MATN2: variants seen among roughly 807,000 people sequenced by gnomAD.
MATN2 encodes matrilin 2.
In MATN2, 69 loss-of-function variants were observed where a neutral mutation model predicts 103.2. That is an observed-to-expected ratio of 0.67 (90% confidence interval 0.55 to 0.82). MATN2 has a LOEUF of 0.82. MATN2 is among the 40% of genes least tolerant of loss of function. MATN2 has a pLI of 0.00. For synonymous variants in MATN2, 429 were observed against 450.2 expected (o/e 0.95, Z 0.60); for missense variants, 1,023 against 1,211.5 (o/e 0.84, Z 2.31).
chr8:97,989,285 C>T (rs1404850891), intron 6 of MATN2, among the ~76,000 whole-genome samples: 2 of 152,096 alleles, frequency 1.3e-5, no homozygotes, highest in African/African-American at 2.4e-5. Context: ...CTGGCTAACA[C>T]GGTGAAACCC....
chr8:98,024,462 A>G (rs977670180), intron 13 of MATN2, among the ~76,000 whole-genome samples: 2 of 152,168 alleles, frequency 1.3e-5, no homozygotes, highest in African/African-American at 4.8e-5. Context: ...CCAAGATCGC[A>G]CCACTGCACT....
intron 6 of MATN2, among the ~76,000 whole-genome samples, chr8:97,983,516 A>G (rs1195285113): frequency 6.6e-6 from 1 of 152,204 alleles, no homozygotes. Flanking sequence ...AGATCTATAG[A>G]GGACTTCAGT....
At chr8:98,034,642 C>T (rs1814168185) in intron 18 of MATN2, among the ~76,000 whole-genome samples, 3 of 152,150 alleles carry the variant, frequency 2.0e-5, no homozygotes. Context: ...CTTTTCTTCT[C>T]GCTTGCCTGT....
intron 5 of MATN2, among the ~76,000 whole-genome samples, chr8:97,977,882 T>G (rs1265442748): frequency 1.3e-5 from 2 of 152,082 alleles, no homozygotes; most frequent in Non-Finnish European, 2.9e-5. Context: ...GGCTCGTATT[T>G]TAGTCAACAC....
intron 4 of MATN2, among the ~76,000 whole-genome samples, chr8:97,953,774 G>A (rs1811045459): frequency 7.5e-6 from 1 of 133,040 alleles, no homozygotes; most frequent in South Asian, 2.5e-4. Context: ...TGGGCAACAA[G>A]AGTAAATCTC....
Position 98,007,669 on chromosome 8 carries a change from G to A in MATN2, c.1573+68G>A, listed in dbSNP as rs1563722896. On this transcript the variant is annotated intron_variant, in intron 10 of 18. Coordinates refer to ENST00000254898, the MANE Select transcript of MATN2 (RefSeq NM_002380.5). The surrounding 1 kb of genome is among the most constrained non-coding windows in gnomAD (Gnocchi z 4.2). ...TGGGTGCCGGTGTGGGTGCGCTGCC[G>A]ACGTGTATATGTGCCTGTGTGTCCT... 16 of 1,549,330 alleles carry A rather than the reference G, an allele frequency of 1.0e-5. No individual in the cohort carries two copies. The highest frequency in any genetic ancestry group is 1.3e-5 in the Non-Finnish European group (15 of 1,139,356).
At chr8:97,891,593 C>A (rs1818632784) in intron 2 of MATN2, among the ~76,000 whole-genome samples, 1 of 152,130 alleles carries the variant, frequency 6.6e-6, no homozygotes, top group Admixed American at 6.6e-5. Context: ...CCCCCTCAGT[C>A]TCCCAAAGTG....
intron 5 of MATN2, among the ~76,000 whole-genome samples, chr8:97,966,724 T>C (rs1383687667): frequency 6.6e-6 from 1 of 152,312 alleles, no homozygotes; most frequent in African/African-American, 2.4e-5. Flanking sequence ...GGAAGCAGCA[T>C]AGTTTATTTC....
At chr8:97,918,088 C>CA in intron 2 of MATN2, among the ~76,000 whole-genome samples, 1 of 151,216 alleles carries the variant, frequency 6.6e-6, no homozygotes, top group Middle Eastern at 3.4e-3. Context: ...GACCCAGTCT[C>CA]AAAAAAAGGA....
In MATN2 at chr8:97,912,334, C is replaced by G. The variant is rs184108701; in HGVS notation, c.143-18619C>G. The stretch of plus-strand genomic sequence containing the variant: ...CAAGTCACCAAGCCTGTGAGAGATT[C>G]CTGAAATGTTATTTCTGGCTTCCAT... On this transcript the variant is annotated intron_variant, in intron 2 of 18. Transcript: ENST00000254898. 1.4e-4 allele frequency among the ~76,000 whole-genome samples: 22 copies of G among 152,322 alleles called. No homozygotes were observed. The East Asian group carries it at 3.5e-3, about 24-fold the overall frequency.
chr8:97,929,663 G>C (rs1187928425), intron 2 of MATN2, among the ~76,000 whole-genome samples: 1 of 152,190 alleles, frequency 6.6e-6, no homozygotes, highest in East Asian at 1.9e-4. Flanking sequence ...CTTAACATTT[G>C]CCTTTTTCCA....
intron 2 of MATN2, among the ~76,000 whole-genome samples, chr8:97,900,888 T>C (rs1818958160): frequency 6.6e-6 from 1 of 152,090 alleles, no homozygotes; most frequent in Non-Finnish European, 1.5e-5. Flanking sequence ...TGAGCCGAGA[T>C]AGCGCCACTG....
chr8:97,911,513 C>A (rs867085754), intron 2 of MATN2, among the ~76,000 whole-genome samples: 6 of 151,928 alleles, frequency 3.9e-5, no homozygotes, highest in Middle Eastern at 6.8e-3. Context: ...TCGAGACCAT[C>A]CTGGCCAACA....
At chr8:97,925,896 C>T (rs1489915542) in intron 2 of MATN2, among the ~76,000 whole-genome samples, 2 of 152,140 alleles carry the variant, frequency 1.3e-5, no homozygotes, top group African/African-American at 4.8e-5. Flanking sequence ...GCAGATGGCA[C>T]CAAATATTTA....
At chr8:97,943,271 A>G (rs930460561) in intron 4 of MATN2, among the ~76,000 whole-genome samples, 4 of 151,410 alleles carry the variant, frequency 2.6e-5, no homozygotes, top group Non-Finnish European at 5.9e-5. Context: ...CTACCTCCCC[A>G]CAACCATCCT....
In MATN2 at chr8:97,915,403, G is replaced by A. The variant is rs552045116; in HGVS notation, c.143-15550G>A. 5.9e-5 allele frequency among the ~76,000 whole-genome samples: 9 copies of A among 152,292 alleles called. 1 individual carries two copies. Among genetic ancestry groups the A allele is most frequent in the East Asian group, 5.8e-4 (3 of 5,182 alleles). On this transcript the variant is annotated intron_variant, in intron 2 of 18. Transcript: ENST00000254898. ...TATCCCTAGCACCCAGCACAAAGAG[G>A]GGATTCCTGCAATGTTTGTACAACT...
rs373488607 is a variant in MATN2 at position 98,020,993 on chromosome 8, C to T, written c.1820-212C>T. ...AAGTCAAGGACACCTAATCACCCAT[C>T]GTACCATTCAGACTCATGGGAGCTA... On this transcript the variant is annotated intron_variant, in intron 12 of 18. Coordinates refer to ENST00000254898, the MANE Select transcript of MATN2 (RefSeq NM_002380.5). The T allele has an allele frequency of 5.2e-5, 23 of 446,488 alleles. No individual in the cohort carries two copies. The East Asian group carries it at 9.4e-4, about 18-fold the overall frequency. The allele number at this position is 446,488 out of a possible 1,614,324, so 27.7% of individuals were successfully genotyped here.
intron 2 of MATN2, among the ~76,000 whole-genome samples, chr8:97,898,882 G>A (rs1818898487): frequency 6.6e-6 from 1 of 151,776 alleles, no homozygotes; most frequent in African/African-American, 2.4e-5. Context: ...CCAAGTAGCT[G>A]GGATTACAAG....
intron 2 of MATN2, among the ~76,000 whole-genome samples, chr8:97,929,761 C>T (rs992826918): frequency 6.6e-6 from 1 of 152,164 alleles, no homozygotes; most frequent in Admixed American, 6.5e-5. Flanking sequence ...ATCTGAGTCC[C>T]CCTCTCAATG....
Sources: allele counts gnomAD v4.1 joint callset (sites outside exome capture counted in the v4.1 genomes callset), GRCh38; gene constraint gnomAD v4.1.1; non-coding constraint Gnocchi (gnomAD v3.1); transcripts MANE v1.5; gene names NCBI Gene and HGNC (gene_info 2026-07-23, HGNC 2026-07-21).